Variants in METTL25 observed in about 807,000 individuals in gnomAD.
METTL25 encodes probable methyltransferase-like protein 25.
A neutral mutation model predicts 71.6 loss-of-function variants in METTL25; 64 were observed. The observed-to-expected ratio is 0.89, with a 90% CI of 0.73 to 1.10. The LOEUF is 1.10. Ranked by LOEUF, METTL25 falls within the 50% of genes least tolerant of loss-of-function variation. METTL25 has a pLI of 0.00. For missense variants in METTL25, 807 were observed against 707.0 expected (o/e 1.14, Z -1.60); for synonymous variants, 287 against 250.3 (o/e 1.15, Z -1.38).
chr12:82,430,880 C>T lies in METTL25; in HGVS notation c.1280-13C>T. On this transcript the variant is annotated splice_polypyrimidine_tract_variant and intron_variant, in intron 5 of 11. Transcript: ENST00000248306. Reference sequence around the variant, plus strand: ...TTTTATTTAAATAATCCGTATTTTTCCCCCATCTGCAGAACGTACTCAGGA... The same window carrying T: ...TTTTATTTAAATAATCCGTATTTTTTCCCCATCTGCAGAACGTACTCAGGA... 4 of 1,377,946 alleles carry T rather than the reference C, an allele frequency of 2.9e-6. No individual in the cohort carries two copies. Among genetic ancestry groups the T allele is most frequent in the Non-Finnish European group, 4.0e-6 (4 of 987,732 alleles). The allele number at this position is 1,377,946 out of a possible 1,614,324, so 85.4% of individuals were successfully genotyped here.
At position 82,438,745 on chromosome 12, in the gene METTL25, G is replaced by C. The variant is rs1300413730; in HGVS notation, c.1432G>C (p.Ala478Pro). ...GLPTESLFYR[A>P]VLQDIIKDCY... The stretch of plus-strand genomic sequence containing the variant: ...GCCTACTGAATCACTCTTCTATCGT[G>C]CTGTTCTTCAGGATATTATTAAAGA... Residue 478 changes from alanine (A) to proline (P), a missense_variant, in exon 8 of 12, where the codon GCT becomes CCT. Physicochemically the swap from Ala to Pro is conservative, Grantham distance 27. Coordinates refer to ENST00000248306, the MANE Select transcript of METTL25 (RefSeq NM_032230.3). The C allele has an allele frequency of 1.3e-6, 2 of 1,539,226 alleles. No homozygotes were observed.
intron 7 of METTL25, among the ~76,000 whole-genome samples, chr12:82,438,148 G>A (rs1890057346): frequency 1.3e-5 from 2 of 151,830 alleles, no homozygotes; most frequent in South Asian, 4.2e-4. Context: ...AAGAAGTGAA[G>A]CATTGTCAAG....
intron 3 of METTL25, among the ~76,000 whole-genome samples, chr12:82,393,104 C>T (rs1360996579): frequency 6.6e-6 from 1 of 151,956 alleles, no homozygotes; most frequent in East Asian, 1.9e-4. Context: ...ATTGCTTTGG[C>T]TGTTCTCTGT....
At chr12:82,439,898 T>G (rs1346694075) in intron 8 of METTL25, 2 of 791,058 alleles carry the variant, frequency 2.5e-6, no homozygotes, top group Non-Finnish European at 3.1e-6. Flanking sequence ...TAAATTTGTT[T>G]CTGTTCTTTT....
chr12:82,472,334 C>T (rs1256744627), intron 9 of METTL25, among the ~76,000 whole-genome samples: 1 of 152,106 alleles, frequency 6.6e-6, no homozygotes, highest in African/African-American at 2.4e-5. Context: ...CGCAGTGGCT[C>T]ATGCCTGTAA....
intron 1 of METTL25, among the ~76,000 whole-genome samples, chr12:82,367,733 C>G (rs1003964821): frequency 6.6e-6 from 1 of 152,168 alleles, no homozygotes; most frequent in African/African-American, 2.4e-5. Flanking sequence ...GCTCAAAACC[C>G]ATCAGTAGTT....
rs536811827 is a variant in METTL25, at chr12:82,410,129, C to A, written c.1279+6999C>A. Among the ~76,000 whole-genome samples, 16 of 152,140 alleles carry A rather than the reference C, an allele frequency of 1.1e-4. No homozygotes were observed. The East Asian group carries it at 3.1e-3, about 29-fold the overall frequency. ...AAACGTGTTGAGCACATCGTTTGAA[C>A]ATATAACATACTGTTTAAGCTTACT... On this transcript the variant is annotated intron_variant, in intron 5 of 11. Transcript: ENST00000248306.
At position 82,479,018 on chromosome 12, in the gene METTL25, G is replaced by A. The variant is rs1216212558; in HGVS notation, c.1806G>A (p.Gln602=). Residue 602 remains glutamine (Q), a synonymous_variant, in exon 12 of 12, where the codon CAG becomes CAA. Coordinates refer to ENST00000248306, the MANE Select transcript of METTL25 (RefSeq NM_032230.3). ...ATGCTGTTATTGCCCTGAAGAAGCA[G>A]CAGTGATTTCCATTGAAGCAAATTA... is the stretch of plus-strand genomic sequence containing the variant. ...RCYAVIALKK[Q]Q 6.2e-7 allele frequency: 1 copy of A among 1,611,604 alleles called. No individual in the cohort carries two copies. Among genetic ancestry groups the A allele is most frequent in the Non-Finnish European group, 8.5e-7 (1 of 1,178,368 alleles).
At chr12:82,407,910 C>T (rs543299050) in intron 5 of METTL25, 1 of 984,686 alleles carries the variant, frequency 1.0e-6, no homozygotes, top group Admixed American at 6.2e-5. Flanking sequence ...ACTCCATCTC[C>T]ATTTTTCTCA....
intron 2 of METTL25, among the ~76,000 whole-genome samples, 199 bp downstream of exon 2, chr12:82,387,166 A>AT (rs970354565): frequency 3.9e-5 from 6 of 152,068 alleles, no homozygotes; most frequent in African/African-American, 7.2e-5. Context: ...AGATGTCCAC[A>AT]TTTTTTTCTT....
At chr12:82,450,781 C>T (rs1264368564) in intron 8 of METTL25, among the ~76,000 whole-genome samples, 1 of 152,092 alleles carries the variant, frequency 6.6e-6, no homozygotes, top group Non-Finnish European at 1.5e-5. Flanking sequence ...CTACTCAGGG[C>T]CTTTAATTAT....
chr12:82,443,382 T>TC (rs1340908609), intron 8 of METTL25, among the ~76,000 whole-genome samples: 1 of 148,620 alleles, frequency 6.7e-6, no homozygotes, highest in African/African-American at 2.5e-5. Flanking sequence ...AAGCTAGAAG[T>TC]CAGTGATGTC....
chr12:82,448,106 G>C (rs1890887762), intron 8 of METTL25, among the ~76,000 whole-genome samples: 1 of 151,936 alleles, frequency 6.6e-6, no homozygotes, highest in Admixed American at 6.6e-5. Context: ...TGTAAATCAA[G>C]GTTATTGGAA....
intron 9 of METTL25, among the ~76,000 whole-genome samples, chr12:82,472,680 T>G (rs559348055): frequency 1.3e-5 from 2 of 152,336 alleles, no homozygotes; most frequent in East Asian, 3.9e-4. Flanking sequence ...ATTCTTCAGC[T>G]GTAGGATTTC....
chr12:82,408,325 G>A (rs1462960033), intron 5 of METTL25, among the ~76,000 whole-genome samples: 1 of 152,018 alleles, frequency 6.6e-6, no homozygotes, highest in African/African-American at 2.4e-5. Flanking sequence ...GGGCCTAGGA[G>A]TGTACATCAA....
intron 1 of METTL25, among the ~76,000 whole-genome samples, chr12:82,383,878 A>G (rs1884698077): frequency 1.3e-5 from 2 of 152,240 alleles, no homozygotes; most frequent in Admixed American, 6.5e-5. Flanking sequence ...AAAAAAATAA[A>G]CTGAGATATA....
intron 9 of METTL25, among the ~76,000 whole-genome samples, chr12:82,464,357 A>G (rs1418311372): frequency 6.6e-6 from 1 of 151,914 alleles, no homozygotes; most frequent in Non-Finnish European, 1.5e-5. Flanking sequence ...AGCAACATTT[A>G]TGGAAGTGAT....
intron 1 of METTL25, among the ~76,000 whole-genome samples, chr12:82,373,429 G>A (rs1883481507): frequency 6.6e-6 from 1 of 152,140 alleles, no homozygotes; most frequent in Non-Finnish European, 1.5e-5. Context: ...GAGCCCGGGT[G>A]CCTAAAGAAG....
intron 11 of METTL25, among the ~76,000 whole-genome samples, chr12:82,477,976 T>C (rs1028550220): frequency 7.2e-5 from 11 of 151,894 alleles, no homozygotes; most frequent in Non-Finnish European, 1.5e-4. Flanking sequence ...CAGTTTTATT[T>C]TGTCATATGG....
Sources: gnomAD v4.1 joint callset for allele counts (sites outside exome capture counted in the v4.1 genomes callset) on GRCh38, gnomAD v4.1.1 for gene constraint, MANE v1.5 for transcripts, NCBI Gene and HGNC (gene_info 2026-07-23, HGNC 2026-07-21) for gene names.